Variants in LRRC4C observed in about 807,000 individuals in gnomAD.
LRRC4C encodes the protein leucine rich repeat containing 4C, also known as leucine-rich repeat-containing protein 4C.
LRRC4C carries 5 observed loss-of-function variants against 33.6 expected under a neutral mutation model. That is an observed-to-expected ratio of 0.15 (90% CI 0.08 to 0.31). The LOEUF is 0.31. LRRC4C is among the 10% of genes least tolerant of loss of function. The pLI, the probability that LRRC4C is intolerant of heterozygous loss-of-function variation, is 1.00. For missense variants in LRRC4C, 560 were observed against 796.7 expected (o/e 0.70, Z 3.58); for synonymous variants, 329 against 302.0 (o/e 1.09, Z -0.93).
chr11:41,419,817 G>C (rs889066301), intron 1 of LRRC4C, among the ~76,000 whole-genome samples: 6 of 151,820 alleles, frequency 4.0e-5, no homozygotes, highest in South Asian at 2.1e-4. Flanking sequence ...ATTGCAACCA[G>C]GATTCAAACT....
At chr11:40,950,587 G>T (rs1958649212) in intron 1 of LRRC4C, among the ~76,000 whole-genome samples, 1 of 151,842 alleles carries the variant, frequency 6.6e-6, no homozygotes, top group Admixed American at 6.6e-5. Context: ...TGTATACATG[G>T]AAACTTATGA....
At chr11:40,301,905 G>GA (rs1944791694) in intron 4 of LRRC4C, among the ~76,000 whole-genome samples, 1 of 152,106 alleles carries the variant, frequency 6.6e-6, no homozygotes, top group African/African-American at 2.4e-5. Context: ...GTAGACTTAT[G>GA]AAAAAATCAT....
At chr11:40,352,799 C>T (rs912496520) in intron 3 of LRRC4C, among the ~76,000 whole-genome samples, 2 of 151,826 alleles carry the variant, frequency 1.3e-5, no homozygotes, top group Non-Finnish European at 2.9e-5. Context: ...TCTTGTTTGC[C>T]TGAGAAAATA....
intron 5 of LRRC4C, among the ~76,000 whole-genome samples, chr11:40,149,556 A>G (rs572637446): frequency 4.5e-4 from 68 of 152,242 alleles, no homozygotes; most frequent in Middle Eastern, 6.8e-3. Context: ...ACTTTGCTGA[A>G]GTTATTTATT....
rs1434887841 is a variant in LRRC4C at position 40,924,088 on chromosome 11, GTGTGTGTGTGTA to G, written c.-407+9535_-407+9546del. On this transcript the variant is annotated intron_variant, in intron 2 of 6. Coordinates refer to ENST00000528697, the MANE Select transcript of LRRC4C (RefSeq NM_001258419.2). ...TACATATATATGTGTGTGTATATAT[GTGTGTGTGTGTA>G]TGTGTGTGTGTGTGTGTGTGTGTAT... 2.8e-5 allele frequency among the ~76,000 whole-genome samples: 4 copies of G among 143,078 alleles called. No homozygotes were observed. The South Asian group carries it at 9.4e-4, about 33-fold the overall frequency. 93.9% of individuals were successfully genotyped at this position (143,078 alleles called of 152,430 possible).
At chr11:40,957,475 T>A (rs947237361) in intron 1 of LRRC4C, among the ~76,000 whole-genome samples, 1 of 151,730 alleles carries the variant, frequency 6.6e-6, no homozygotes, top group African/African-American at 2.4e-5. Flanking sequence ...TCTTTTTGAT[T>A]CTCTTTTTCA....
chr11:41,001,441 C>T (rs1225917610), intron 1 of LRRC4C, among the ~76,000 whole-genome samples: 1 of 152,072 alleles, frequency 6.6e-6, no homozygotes, highest in Non-Finnish European at 1.5e-5. Flanking sequence ...TTAAGACATG[C>T]AAATAAGGGA....
intron 1 of LRRC4C, among the ~76,000 whole-genome samples, chr11:41,409,607 T>C (rs1954383282): frequency 6.6e-6 from 1 of 152,162 alleles, no homozygotes; most frequent in Non-Finnish European, 1.5e-5. Flanking sequence ...TCTATCTAAT[T>C]TCAGGGTCTA....
chr11:41,342,517 C>A (rs1223676835), intron 1 of LRRC4C, among the ~76,000 whole-genome samples: 2 of 152,084 alleles, frequency 1.3e-5, no homozygotes, highest in Non-Finnish European at 2.9e-5. Context: ...GGGTTTGAGA[C>A]CAGCCTGATC....
intron 2 of LRRC4C, among the ~76,000 whole-genome samples, chr11:40,882,789 A>G (rs1192668397): frequency 1.3e-5 from 2 of 152,004 alleles, no homozygotes; most frequent in Non-Finnish European, 2.9e-5. Context: ...CTTTTTCTTG[A>G]AATAAAATGG....
intron 1 of LRRC4C, among the ~76,000 whole-genome samples, chr11:41,232,441 C>T (rs1254406054): frequency 6.6e-6 from 1 of 152,006 alleles, no homozygotes; most frequent in African/African-American, 2.4e-5. Context: ...TGCCTTCAGG[C>T]ATTATCAAAC....
chr11:40,443,949 A>G (rs1489510946), intron 3 of LRRC4C, among the ~76,000 whole-genome samples: 1 of 152,216 alleles, frequency 6.6e-6, no homozygotes, highest in Non-Finnish European at 1.5e-5. Context: ...GATGTAAGTT[A>G]GGGAATTCAC....
At chr11:41,347,094 C>A (rs545916017) in intron 1 of LRRC4C, among the ~76,000 whole-genome samples, 2 of 152,200 alleles carry the variant, frequency 1.3e-5, no homozygotes, top group South Asian at 4.1e-4. Flanking sequence ...AGGAAAGAAA[C>A]CATATGTATC....
rs1470568657 is a variant in LRRC4C at position 40,777,507 on chromosome 11, T to C, written c.-406-129229A>G. 2.0e-5 allele frequency among the ~76,000 whole-genome samples: 3 copies of C among 151,528 alleles called. No individual in the cohort carries two copies. In the East Asian group the frequency reaches 5.8e-4, roughly 29 times the overall value. On this transcript the variant is annotated intron_variant, in intron 2 of 6. Transcript: ENST00000528697. ...CTTTGTCCTTTTTTACTGTTTTTTTTTTTTTTTTTTGTTTAAAGTTTGTTA... is the reference window on the plus strand; with the variant it reads ...CTTTGTCCTTTTTTACTGTTTTTTTCTTTTTTTTTTGTTTAAAGTTTGTTA...
At chr11:40,639,235 T>C (rs528162222) in intron 3 of LRRC4C, among the ~76,000 whole-genome samples, 55 of 152,170 alleles carry the variant, frequency 3.6e-4, no homozygotes, top group Non-Finnish European at 6.6e-4. Context: ...TCATGTGGTA[T>C]AATTTTCTTT....
At chr11:41,084,177 T>C (rs1048682554) in intron 1 of LRRC4C, among the ~76,000 whole-genome samples, 9 of 152,172 alleles carry the variant, frequency 5.9e-5, no homozygotes, top group Admixed American at 1.3e-4. Context: ...AAGGGAGAAG[T>C]AATGACCTCC....
chr11:41,021,794 C>T (rs1856001778), intron 1 of LRRC4C, among the ~76,000 whole-genome samples: 1 of 151,888 alleles, frequency 6.6e-6, no homozygotes, highest in South Asian at 2.1e-4. Context: ...CAAAACATCC[C>T]CTCCCCACAC....
intron 1 of LRRC4C, among the ~76,000 whole-genome samples, chr11:41,329,238 G>C (rs1355858188): frequency 6.6e-6 from 1 of 152,070 alleles, no homozygotes; most frequent in Non-Finnish European, 1.5e-5. Flanking sequence ...TCCCTTAACA[G>C]CTGTACTTCT....
chr11:41,172,052 G>C (rs1448336860), intron 1 of LRRC4C, among the ~76,000 whole-genome samples: 1 of 152,090 alleles, frequency 6.6e-6, no homozygotes, highest in Non-Finnish European at 1.5e-5. Flanking sequence ...TCCAGCAACA[G>C]AGACAAGATA....
Sources: allele counts gnomAD v4.1 joint callset (sites outside exome capture counted in the v4.1 genomes callset), GRCh38; gene constraint gnomAD v4.1.1; transcripts MANE v1.5; gene names NCBI Gene and HGNC (gene_info 2026-07-23, HGNC 2026-07-21).